The following SINHCAF variants were observed in gnomAD, a reference collection of about 807,000 sequenced individuals.
The protein encoded by SINHCAF is SIN3-HDAC complex-associated factor.
In SINHCAF, 3 loss-of-function variants were observed where a neutral mutation model predicts 25.8. The ratio of observed to expected loss-of-function variants is 0.12; its 90% CI spans 0.05 to 0.30. The LOEUF (loss-of-function observed/expected upper bound fraction) is 0.30, where lower values mean the gene tolerates loss of function less well. Among genes scored for constraint, SINHCAF ranks in the 10% least tolerant of loss-of-function variants. The probability of loss-of-function intolerance (pLI) is 1.00; values close to 1 mark genes in which losing one functional copy is unlikely to be tolerated. For missense variants in SINHCAF, 121 were observed against 262.3 expected, an observed-to-expected ratio of 0.46 and a Z score of 3.72; for synonymous variants, 70 against 85.5, an observed-to-expected ratio of 0.82 and a Z score of 1.00.
intron 3 of SINHCAF, among the ~76,000 whole-genome samples, chr12:31,294,674 A>G (rs1316947028): frequency 6.6e-6 from 1 of 152,232 alleles, no homozygotes; most frequent in Non-Finnish European, 1.5e-5. Flanking sequence ...TTATAATAAC[A>G]TAACACTGTC....
In SINHCAF at chr12:31,324,236, C is replaced by G. The variant is rs1453750918; in HGVS notation, c.-21+1788G>C. The G allele has an allele frequency of 4.9e-6, 1 of 203,532 alleles. No individual in the cohort carries two copies. The highest frequency in any genetic ancestry group is 9.5e-6 in the Non-Finnish European group (1 of 104,860). 12.6% of individuals were successfully genotyped at this position (203,532 alleles called of 1,614,324 possible). A position where few individuals can be genotyped will look rare whatever the true frequency, so the allele number is the denominator to read the frequency against. On this transcript the variant is annotated intron_variant, in intron 1 of 5. Transcript: ENST00000337682. The surrounding 1 kb of genome is among the most constrained non-coding windows in gnomAD (Gnocchi z 5.5). ...GCACGCCGCGCTGCCGGGGCTTGTT[C>G]CTCCTCATGGCTTTGCCCTGACGTA...
chr12:31,323,689 C>G (rs554019467), intron 1 of SINHCAF, among the ~76,000 whole-genome samples: 51 of 152,238 alleles, frequency 3.4e-4, no homozygotes, highest in African/African-American at 1.2e-3. Flanking sequence ...TGCCCTTCCC[C>G]GCTCCCCCCA....
At chr12:31,295,519 C>T (rs1404696257) in intron 2 of SINHCAF, among the ~76,000 whole-genome samples, 186 bp from the exon 3 acceptor site, 1 of 152,156 alleles carries the variant, frequency 6.6e-6, no homozygotes, top group African/African-American at 2.4e-5. Context: ...CTAGATTCAA[C>T]AAACCAATTC....
rs1169502941 is a variant in SINHCAF at position 31,282,156 on chromosome 12, ATC to A, written c.*554_*555del. 4 of 152,100 alleles carry A rather than the reference ATC, an allele frequency of 2.6e-5. No homozygotes were observed. Among genetic ancestry groups the A allele is most frequent in the Non-Finnish European group, 5.9e-5 (4 of 67,960 alleles). The allele number at this position is 152,100 out of a possible 1,614,324, so 9.4% of individuals were successfully genotyped here. The stretch of plus-strand genomic sequence containing the variant: ...TACAGTTTATCATACAACAAATCCC[ATC>A]TCTGTCCCCTGAAATTCCCCTAGTT... On this transcript the variant is annotated 3_prime_UTR_variant, in exon 6 of 6. Transcript: ENST00000337682.
At chr12:31,287,216 T>C (rs1304035164) in intron 5 of SINHCAF, among the ~76,000 whole-genome samples, 1 of 152,208 alleles carries the variant, frequency 6.6e-6, no homozygotes, top group Admixed American at 6.5e-5. Context: ...GTCTATAATA[T>C]CCTATTATTT....
intron 2 of SINHCAF, among the ~76,000 whole-genome samples, chr12:31,296,750 G>C (rs1938565026): frequency 6.6e-6 from 1 of 151,792 alleles, no homozygotes; most frequent in African/African-American, 2.4e-5. Context: ...AGCTACTCAG[G>C]AGAGAGAGGT....
intron 1 of SINHCAF, among the ~76,000 whole-genome samples, chr12:31,313,247 G>A (rs1170215676): frequency 1.3e-5 from 2 of 151,888 alleles, no homozygotes; most frequent in East Asian, 1.9e-4. Flanking sequence ...GGCTGGTCTC[G>A]AACTCCTGAC....
At chr12:31,294,052 T>A (rs1938448539) in intron 3 of SINHCAF, 121 bp from the exon 4 acceptor site, 1 of 650,016 alleles carries the variant, frequency 1.5e-6, no homozygotes. Flanking sequence ...TGAAGCTCCA[T>A]GTGCACCTTT....
chr12:31,325,223 C>A lies in SINHCAF; in HGVS notation c.-21+801G>T, dbSNP rs1055904753. On this transcript the variant is annotated intron_variant, in intron 1 of 5. Coordinates refer to ENST00000337682, the MANE Select transcript of SINHCAF (RefSeq NM_001135812.2). The surrounding 1 kb of genome is among the most constrained non-coding windows in gnomAD (Gnocchi z 5.9). ...CCCACACCTACGCTACAGGTGAACGCACCGGGAGCAAAACTTCGGGCTCCG... is the reference window on the plus strand; with the variant it reads ...CCCACACCTACGCTACAGGTGAACGAACCGGGAGCAAAACTTCGGGCTCCG... 3.5e-5 allele frequency: 16 copies of A among 456,702 alleles called. No homozygotes were observed. Among genetic ancestry groups the A allele is most frequent in the Non-Finnish European group, 6.6e-5 (15 of 227,002 alleles). The allele number at this position is 456,702 out of a possible 1,614,324, so 28.3% of individuals were successfully genotyped here. A position where few individuals can be genotyped will look rare whatever the true frequency, so the allele number is the denominator to read the frequency against.
At chr12:31,308,150 G>A (rs957769313) in intron 1 of SINHCAF, among the ~76,000 whole-genome samples, 10 of 152,102 alleles carry the variant, frequency 6.6e-5, no homozygotes, top group Admixed American at 1.3e-4. Flanking sequence ...CATGTTGCCC[G>A]TGCTGGTCTT....
At chr12:31,285,225 T>G (rs138444739) in intron 5 of SINHCAF, among the ~76,000 whole-genome samples, 6,149 of 151,896 alleles carry the variant, frequency 0.04, 189 homozygotes, top group Non-Finnish European at 0.063. Flanking sequence ...CAATCTCTAC[T>G]AAAAATACAA....
chr12:31,315,891 C>T (rs960200488), intron 1 of SINHCAF, among the ~76,000 whole-genome samples: 2 of 152,172 alleles, frequency 1.3e-5, no homozygotes, highest in South Asian at 2.1e-4. Context: ...CATGGCCGGG[C>T]GTGGTGGCTC....
intron 3 of SINHCAF, among the ~76,000 whole-genome samples, chr12:31,294,285 A>T (rs1938456477): frequency 6.6e-6 from 1 of 152,224 alleles, no homozygotes; most frequent in Non-Finnish European, 1.5e-5. Context: ...AAAAGCTTTC[A>T]TATACTTTTT....
At chr12:31,301,756 C>CAAA (rs147217124) in intron 1 of SINHCAF, among the ~76,000 whole-genome samples, 2 of 143,726 alleles carry the variant, frequency 1.4e-5, no homozygotes, top group African/African-American at 5.1e-5. Flanking sequence ...AAAAAAACAA[C>CAAA]AAAAAAAAAA....
intron 5 of SINHCAF, 31 bp downstream of exon 5, chr12:31,287,603 G>A (rs1938132616): frequency 6.6e-7 from 1 of 1,512,606 alleles, no homozygotes; most frequent in South Asian, 1.3e-5. Flanking sequence ...AAGATGGTTT[G>A]CTGGTTAGAG....
intron 1 of SINHCAF, among the ~76,000 whole-genome samples, chr12:31,323,729 G>T (rs1420992368): frequency 6.7e-6 from 1 of 149,196 alleles, no homozygotes; most frequent in Non-Finnish European, 1.5e-5. Context: ...GAAACTGGCC[G>T]CACGCACAAT....
chr12:31,324,484 C>T lies in SINHCAF; in HGVS notation c.-21+1540G>A, dbSNP rs1373975549. On this transcript the variant is annotated intron_variant, in intron 1 of 5. Coordinates refer to ENST00000337682, the MANE Select transcript of SINHCAF (RefSeq NM_001135812.2). This position sits in a 1 kb window ranked among gnomAD's most constrained non-coding sequence, Gnocchi z 5.5. Reference sequence around the variant, plus strand: ...GGAAGCACGCCGCCTCCCTACGCACCAGCATGGCACCTCGCACAAGTAGCG... The same window carrying T: ...GGAAGCACGCCGCCTCCCTACGCACTAGCATGGCACCTCGCACAAGTAGCG... 7 of 163,692 alleles carry T rather than the reference C, an allele frequency of 4.3e-5. No individual in the cohort carries two copies. Among genetic ancestry groups the T allele is most frequent in the African/African-American group, 1.7e-4 (7 of 41,504 alleles). The allele number at this position is 163,692 out of a possible 1,614,324, so 10.1% of individuals were successfully genotyped here. A position where few individuals can be genotyped will look rare whatever the true frequency, so the allele number is the denominator to read the frequency against.
intron 1 of SINHCAF, chr12:31,311,660 C>T: frequency 2.3e-6 from 1 of 425,938 alleles, no homozygotes; most frequent in South Asian, 2.0e-5. Flanking sequence ...GCAGATCCAA[C>T]TGAGCTTATA....
At chr12:31,320,140 C>T (rs1325178693) in intron 1 of SINHCAF, among the ~76,000 whole-genome samples, 2 of 152,198 alleles carry the variant, frequency 1.3e-5, no homozygotes, top group Non-Finnish European at 2.9e-5. Context: ...AGTTCAACTA[C>T]TAATCTTCCC....
Sources: gnomAD v4.1 joint callset for allele counts (sites outside exome capture counted in the v4.1 genomes callset) on GRCh38, gnomAD v4.1.1 for gene constraint, Gnocchi (gnomAD v3.1) non-coding constraint, MANE v1.5 for transcripts, NCBI Gene and HGNC (gene_info 2026-07-23, HGNC 2026-07-21) for gene names.